CYP2A6: variants seen among roughly 807,000 people sequenced by gnomAD.
The protein encoded by CYP2A6 is cytochrome P450 2A6.
Under a neutral mutation model 42.3 loss-of-function variants are expected in CYP2A6, and 27 were observed. The ratio of observed to expected loss-of-function variants is 0.64; its 90% confidence interval spans 0.47 to 0.88. CYP2A6 has a LOEUF of 0.88. Ranked by LOEUF, CYP2A6 falls within the 40% of genes least tolerant of loss-of-function variation. The pLI, the probability that CYP2A6 is intolerant of heterozygous loss-of-function variation, is 0.00. For missense variants in CYP2A6, 628 were observed against 646.0 expected, an observed-to-expected ratio of 0.97 and a Z score of 0.30; for synonymous variants, 238 against 246.3, an observed-to-expected ratio of 0.97 and a Z score of 0.31.
intron 2 of CYP2A6, 42 bp from the exon 3 acceptor site, chr19:40,848,805 G>A: frequency 2.5e-6 from 4 of 1,580,236 alleles, no homozygotes; most frequent in South Asian, 2.3e-5. Flanking sequence ...CCAGGGGGCG[G>A]CAGGGGCAGG....
In CYP2A6 at chr19:40,843,910, C is replaced by T. The variant is rs1254499270; in HGVS notation, c.1371G>A (p.Met457Ile). The T allele has an allele frequency of 7.4e-6, 12 of 1,612,056 alleles. No individual in the cohort carries two copies. Among genetic ancestry groups the T allele is most frequent in the Non-Finnish European group, 1.0e-5 (12 of 1,179,734 alleles). ...GGGAGGACTTGAGGCGGAAGTTCTG[C>T]ATGACGGTGGTGAAGAAGAGAAAGA... Reference protein sequence around the residue: ...MELFLFFTTVMQNFRLKSSQS... With the variant: ...MELFLFFTTVIQNFRLKSSQS... The change falls in exon 9 of 9, where the codon ATG (methionine) becomes ATA (isoleucine). Residue 457 changes from methionine (M) to isoleucine (I), a missense_variant. This residue lies in a region of CYP2A6 where 22 missense variants were observed against 77.8 expected (regional missense o/e 0.28). Coordinates refer to ENST00000301141, the MANE Select transcript of CYP2A6 (RefSeq NM_000762.6).
chr19:40,845,919 T>C (rs778240395), intron 6 of CYP2A6, 37 bp downstream of exon 6: 1 of 1,605,020 alleles, frequency 6.2e-7, no homozygotes, highest in South Asian at 1.1e-5. Context: ...ATTTTGAGGG[T>C]CTGGGGCCCT....
rs1209373672 is a variant in CYP2A6, at chr19:40,847,011, C to T, written c.695G>A (p.Gly232Glu). 3.1e-6 allele frequency: 5 copies of T among 1,611,654 alleles called. No individual in the cohort carries two copies. Among genetic ancestry groups the T allele is most frequent in the East Asian group, 2.3e-5 (1 of 43,428 alleles). ...CAACTGAAAGGCCTGTTGCTGTGGTCCTGGCAGGTGTTTCATCACCGAAGA... is the reference window on the plus strand; with the variant it reads ...CAACTGAAAGGCCTGTTGCTGTGGTTCTGGCAGGTGTTTCATCACCGAAGA... ...MFSSVMKHLP[G>E]PQQQAFQLLQ... Residue 232 changes from glycine to glutamate, a missense_variant, in exon 5 of 9, where the codon GGA (glycine) becomes GAA (glutamate). Gly to Glu is a moderately conservative substitution (Grantham distance 98). Transcript: ENST00000301141.
chr19:40,848,840 C>T, intron 2 of CYP2A6, 77 bp from the exon 3 acceptor site: 2 of 1,518,446 alleles, frequency 1.3e-6, no homozygotes, highest in South Asian at 2.4e-5. Context: ...AAGGGGCTCC[C>T]CAAGGGTGGA....
Position 40,843,679 on chromosome 19 carries a change from C to T in CYP2A6, c.*117G>A. The T allele has an allele frequency of 8.2e-7, 1 of 1,220,650 alleles. No individual in the cohort carries two copies. The highest frequency in any genetic ancestry group is 1.1e-6 in the Non-Finnish European group (1 of 910,714). 75.6% of individuals were successfully genotyped at this position (1,220,650 alleles called of 1,614,324 possible). On this transcript the variant is annotated 3_prime_UTR_variant, in exon 9 of 9. Transcript: ENST00000301141. Reference sequence around the variant, plus strand: ...TCTTCTCTTCCCTCTAGCCACCACGCCCCTTCCTTTCCGCCATCCTGCCCC... The same window carrying T: ...TCTTCTCTTCCCTCTAGCCACCACGTCCCTTCCTTTCCGCCATCCTGCCCC...
intron 7 of CYP2A6, 66 bp downstream of exon 7, chr19:40,845,228 G>T: frequency 6.3e-7 from 1 of 1,594,802 alleles, no homozygotes; most frequent in Non-Finnish European, 8.6e-7. Context: ...TAATGTGGGT[G>T]GGATGCTGGG....
chr19:40,846,822 T>C, intron 5 of CYP2A6, 53 bp downstream of exon 5: 1 of 1,598,174 alleles, frequency 6.3e-7, no homozygotes, highest in East Asian at 2.3e-5. Context: ...ACTCCCAGAC[T>C]GATTTCCCTC....
At chr19:40,849,088 G>GAGAGAGAGAGAC (rs1259003653) in intron 2 of CYP2A6, among the ~76,000 whole-genome samples, 1 of 142,868 alleles carries the variant, frequency 7.0e-6, no homozygotes, top group African/African-American at 2.7e-5. Flanking sequence ...GAGAGAGAGA[G>GAGAGAGAGAGAC]ACCAGGTTTA....
At chr19:40,845,814 T>G (rs2083453417) in intron 6 of CYP2A6, 142 bp downstream of exon 6, 1 of 1,281,542 alleles carries the variant, frequency 7.8e-7, no homozygotes, top group Non-Finnish European at 1.1e-6. Context: ...AGCTGATGCC[T>G]ACCAGCTGAA....
chr19:40,847,975 A>G (rs1967128633), intron 4 of CYP2A6, among the ~76,000 whole-genome samples: 1 of 151,758 alleles, frequency 6.6e-6, no homozygotes, highest in Non-Finnish European at 1.5e-5. Flanking sequence ...AGCTGAGGGT[A>G]TGCATCCTGC....
At position 40,850,405 on chromosome 19, in the gene CYP2A6, G is replaced by A. The variant is rs8192720; in HGVS notation, c.22C>T (p.Leu8=). The part of the protein sequence containing the change: MLASGML[L]VALLVCLTVM... ...GTCAGGCAGACCAGCAAGGCCACCA[G>A]AAGCATCCCTGAGGCCAGCATGGTG... The change falls in exon 1 of 9, where the codon CTG becomes TTG. Residue 8 remains leucine, a synonymous_variant. Coordinates refer to ENST00000301141, the MANE Select transcript of CYP2A6 (RefSeq NM_000762.6). 19,051 of 1,609,772 alleles carry A rather than the reference G, an allele frequency of 0.012. 2,390 individuals carry two copies. The East Asian group carries it at 0.22, about 18-fold the overall frequency.
chr19:40,850,247 C>T lies in CYP2A6; in HGVS notation c.180G>A (p.Lys60=). Residue 60 remains lysine (K), a splice_region_variant and synonymous_variant, in exon 1 of 9, where the codon AAG becomes AAA. Transcript: ENST00000301141. ...CACCCATCTCCCTGCCTTGGGACACCTTCATGAGGGAGTTGTACATCTGCT... is the reference window on the plus strand; with the variant it reads ...CACCCATCTCCCTGCCTTGGGACACTTTCATGAGGGAGTTGTACATCTGCT... The part of the protein sequence containing the change: ...NTEQMYNSLM[K]ISERYGPVFT... 1 of 1,607,292 alleles carries T rather than the reference C, an allele frequency of 6.2e-7. No individual in the cohort carries two copies. Among genetic ancestry groups the T allele is most frequent in the Non-Finnish European group, 8.5e-7 (1 of 1,177,026 alleles).
At chr19:40,845,614 G>A in intron 6 of CYP2A6, 133 bp from the exon 7 acceptor site, 1 of 1,412,240 alleles carries the variant, frequency 7.1e-7, no homozygotes, top group South Asian at 1.4e-5. Flanking sequence ...TAACAGAACA[G>A]ACATCAGCCA....
At chr19:40,844,561 G>C (rs2083445744) in intron 8 of CYP2A6, 70 bp downstream of exon 8, 9 of 1,608,634 alleles carry the variant, frequency 5.6e-6, no homozygotes, top group Non-Finnish European at 7.6e-6. Context: ...ACACCGCAGA[G>C]AGGGGAGGAG....
Position 40,848,773 on chromosome 19 carries a change from T to C in CYP2A6, c.344-10A>G. The C allele has an allele frequency of 1.2e-6, 2 of 1,609,092 alleles. No individual in the cohort carries two copies. Among genetic ancestry groups the C allele is most frequent in the Admixed American group, 1.7e-5 (1 of 59,792 alleles). ...TTGCTGAATACCACGCCTGGGGAGG[T>C]GAACGCGGGAATGGAGACAGGCCAG... On this transcript the variant is annotated splice_polypyrimidine_tract_variant and intron_variant, in intron 2 of 8. Transcript: ENST00000301141.
At chr19:40,844,970 C>G in intron 7 of CYP2A6, 198 bp from the exon 8 acceptor site, 1 of 733,574 alleles carries the variant, frequency 1.4e-6, no homozygotes, top group Non-Finnish European at 2.2e-6. Flanking sequence ...GACATGGGGT[C>G]CATGTCCTTC....
chr19:40,847,877 T>G (rs1967127640), intron 4 of CYP2A6, among the ~76,000 whole-genome samples: 1 of 151,620 alleles, frequency 6.6e-6, no homozygotes, highest in Non-Finnish European at 1.5e-5. Flanking sequence ...GTCCAGGTGT[T>G]AAAATATTCA....
chr19:40,848,075 A>C, intron 4 of CYP2A6, 144 bp downstream of exon 4: 1 of 1,434,050 alleles, frequency 7.0e-7, no homozygotes, highest in Non-Finnish European at 9.4e-7. Flanking sequence ...TTCTGGTGCA[A>C]CTGTCCAGTT....
intron 4 of CYP2A6, 38 bp from the exon 5 acceptor site, chr19:40,847,089 C>G: frequency 6.2e-7 from 1 of 1,601,518 alleles, no homozygotes; most frequent in Non-Finnish European, 8.5e-7. Context: ...GGAAGGACAG[C>G]TGTCACGGGG....
Sources: allele counts gnomAD v4.1 joint callset (sites outside exome capture counted in the v4.1 genomes callset), GRCh38; gene constraint gnomAD v4.1.1; regional missense constraint gnomAD v4.1.1; transcripts MANE v1.5; gene names NCBI Gene and HGNC (gene_info 2026-07-23, HGNC 2026-07-21).